Variants in GRIN2A observed in about 807,000 individuals in gnomAD.
GRIN2A encodes glutamate ionotropic receptor NMDA type subunit 2A.
In GRIN2A, 22 loss-of-function variants were observed where a neutral mutation model predicts 113.4. The observed-to-expected ratio is 0.19, with a 90% confidence interval of 0.14 to 0.28. The LOEUF (loss-of-function observed/expected upper bound fraction) is 0.28. Ranked by LOEUF, GRIN2A falls within the 10% of genes least tolerant of loss-of-function variation. The probability of loss-of-function intolerance (pLI) is 1.00; values close to 1 mark genes in which losing one functional copy is unlikely to be tolerated. For missense variants in GRIN2A, 1,502 were observed against 1,887.0 expected, an observed-to-expected ratio of 0.80 and a Z score of 3.78; for synonymous variants, 827 against 738.4, an observed-to-expected ratio of 1.12 and a Z score of -1.94.
rs546224511 is a variant in GRIN2A at position 9,854,769 on chromosome 16, G to T, written c.1123-4808C>A. 1.4e-3 allele frequency among the ~76,000 whole-genome samples: 213 copies of T among 152,214 alleles called. 2 individuals carry two copies. Among genetic ancestry groups the T allele is most frequent in the Non-Finnish European group, 2.2e-3 (153 of 68,014 alleles). ...TTCTGAAGTGTGAGCCAATACCAGG[G>T]TTGCACCGCATTTCCTCCAGCAGTG... On this transcript the variant is annotated intron_variant, in intron 4 of 12. Transcript: ENST00000330684.
At chr16:9,879,254 T>A (rs1042769538) in intron 4 of GRIN2A, among the ~76,000 whole-genome samples, 1 of 152,110 alleles carries the variant, frequency 6.6e-6, no homozygotes, top group Non-Finnish European at 1.5e-5. Flanking sequence ...GGAACTTGAC[T>A]TTAAATATGG....
intron 12 of GRIN2A, among the ~76,000 whole-genome samples, chr16:9,767,246 T>G (rs1900973337): frequency 6.6e-6 from 1 of 152,176 alleles, no homozygotes; most frequent in Non-Finnish European, 1.5e-5. Flanking sequence ...GGAGTGCAAG[T>G]GAATGGAGAA....
chr16:9,823,038 C>T (rs1230718219), intron 9 of GRIN2A, among the ~76,000 whole-genome samples: 1 of 152,198 alleles, frequency 6.6e-6, no homozygotes, highest in Middle Eastern at 3.2e-3. Context: ...TGGCAGGCTC[C>T]ATGAATACTT....
At chr16:9,894,611 A>C (rs1310390802) in intron 3 of GRIN2A, among the ~76,000 whole-genome samples, 2 of 152,188 alleles carry the variant, frequency 1.3e-5, no homozygotes, top group African/African-American at 2.4e-5. Flanking sequence ...TTAGTGGAGA[A>C]CTGGAGTCAA....
At chr16:9,880,090 T>C (rs1257127421) in intron 4 of GRIN2A, among the ~76,000 whole-genome samples, 1 of 152,006 alleles carries the variant, frequency 6.6e-6, no homozygotes, top group Non-Finnish European at 1.5e-5. Flanking sequence ...CTCAGCTGGG[T>C]TTTTGCTCAG....
chr16:9,792,079 TTGTG>T lies in GRIN2A; in HGVS notation c.2356+6194_2356+6197del, dbSNP rs71400495. Among the ~76,000 whole-genome samples the T allele has an allele frequency of 5.3e-3, 599 of 112,310 alleles. 7 individuals are homozygous for T. The highest frequency in any genetic ancestry group is 0.028 in the East Asian group (119 of 4,294). The allele number at this position is 112,310 out of a possible 152,430, so 73.7% of individuals were successfully genotyped here. ...ACAGAGGGAACCTGATGAAGTAAAATTGTGTGTGTGTGTGTGTGTGTGTGTGTGT... is the reference window on the plus strand; with the variant it reads ...ACAGAGGGAACCTGATGAAGTAAAATTGTGTGTGTGTGTGTGTGTGTGTGT... On this transcript the variant is annotated intron_variant, in intron 11 of 12. Coordinates refer to ENST00000330684, the MANE Select transcript of GRIN2A (RefSeq NM_001134407.3).
At chr16:10,037,894 C>T (rs1047982014) in intron 2 of GRIN2A, among the ~76,000 whole-genome samples, 1 of 152,116 alleles carries the variant, frequency 6.6e-6, no homozygotes, top group Non-Finnish European at 1.5e-5. Flanking sequence ...GTTGAGATTA[C>T]AGGCATGAAT....
chr16:10,134,937 A>G lies in GRIN2A; in HGVS notation c.414+45061T>C, dbSNP rs1370555256. On this transcript the variant is annotated intron_variant, in intron 2 of 12. Coordinates refer to ENST00000330684, the MANE Select transcript of GRIN2A (RefSeq NM_001134407.3). ...GGACTTTTTATCTTTCCAACGAACTAGCAAAAAAAAACTGTTCAGCCATAC... is the reference window on the plus strand; with the variant it reads ...GGACTTTTTATCTTTCCAACGAACTGGCAAAAAAAAACTGTTCAGCCATAC... 2.6e-4 allele frequency among the ~76,000 whole-genome samples: 9 copies of G among 34,556 alleles called. No individual in the cohort carries two copies. In the Admixed American group the frequency reaches 2.8e-3, roughly 11 times the overall value. The allele number at this position is 34,556 out of a possible 152,430, so 22.7% of individuals were successfully genotyped here. A position where few individuals can be genotyped will look rare whatever the true frequency, so the allele number is the denominator to read the frequency against.
chr16:9,862,949 T>C (rs970606626), intron 4 of GRIN2A, among the ~76,000 whole-genome samples: 1 of 152,234 alleles, frequency 6.6e-6, no homozygotes. Context: ...ATTGAGGTAC[T>C]GTGATCACCC....
intron 2 of GRIN2A, among the ~76,000 whole-genome samples, chr16:10,094,883 C>CA (rs58041208): frequency 0.085 from 9,991 of 117,136 alleles, 1,370 homozygotes; most frequent in African/African-American, 0.29. Context: ...GAATGTGCAC[C>CA]AAAAAAAAAA....
chr16:10,156,645 G>T (rs114583119), intron 2 of GRIN2A, among the ~76,000 whole-genome samples: 1,705 of 152,270 alleles, frequency 0.011, 38 homozygotes, highest in African/African-American at 0.039. Context: ...GTGCATAGGA[G>T]GCAGAAGGCG....
intron 2 of GRIN2A, among the ~76,000 whole-genome samples, chr16:10,043,951 A>G (rs1342745301): frequency 1.4e-5 from 2 of 145,024 alleles, no homozygotes; most frequent in South Asian, 2.3e-4. Flanking sequence ...ACACATATAT[A>G]TGTATATATA....
Position 9,926,634 on chromosome 16 carries a change from G to A in GRIN2A, c.1007+11325C>T, listed in dbSNP as rs185070828. 4.9e-4 allele frequency among the ~76,000 whole-genome samples: 75 copies of A among 152,218 alleles called. 1 individual carries two copies. The highest frequency in any genetic ancestry group is 6.8e-3 in the Middle Eastern group (2 of 294). The stretch of plus-strand genomic sequence containing the variant: ...TTTGGAAATAAATACACATAATGAT[G>A]ATTATGATAAAAATAATAAAAATGA... On this transcript the variant is annotated intron_variant, in intron 3 of 12. Coordinates refer to ENST00000330684, the MANE Select transcript of GRIN2A (RefSeq NM_001134407.3).
intron 12 of GRIN2A, among the ~76,000 whole-genome samples, chr16:9,768,383 A>G (rs928127239): frequency 6.6e-6 from 1 of 152,228 alleles, no homozygotes; most frequent in African/African-American, 2.4e-5. Context: ...AGTTACTAAT[A>G]TTTAAAAATG....
chr16:10,126,159 A>G (rs1053447436), intron 2 of GRIN2A, among the ~76,000 whole-genome samples: 2 of 80,608 alleles, frequency 2.5e-5, no homozygotes, highest in Non-Finnish European at 5.4e-5. Flanking sequence ...GGATTTCTTT[A>G]TATATATATA....
rs563712145 is a variant in GRIN2A at position 9,754,029 on chromosome 16, C to T, written c.*9120G>A. On this transcript the variant is annotated 3_prime_UTR_variant, in exon 13 of 13. Coordinates refer to ENST00000330684, the MANE Select transcript of GRIN2A (RefSeq NM_001134407.3). The stretch of plus-strand genomic sequence containing the variant: ...TATGCAACAAGTCATATTATTAATA[C>T]GTGAGTGAAAAATGAATCATTTATC... The T allele has an allele frequency of 6.0e-5, 11 of 182,066 alleles. 1 individual carries two copies. Among genetic ancestry groups the T allele is most frequent in the East Asian group, 5.4e-4 (6 of 11,090 alleles). The allele number at this position is 182,066 out of a possible 1,614,324, so 11.3% of individuals were successfully genotyped here.
At chr16:9,854,048 T>G (rs1186255423) in intron 4 of GRIN2A, among the ~76,000 whole-genome samples, 1 of 152,166 alleles carries the variant, frequency 6.6e-6, no homozygotes, top group Non-Finnish European at 1.5e-5. Flanking sequence ...ATATGCGTAA[T>G]GATTGGTTTC....
At chr16:10,170,122 T>C (rs531399639) in intron 2 of GRIN2A, among the ~76,000 whole-genome samples, 1 of 152,244 alleles carries the variant, frequency 6.6e-6, no homozygotes, top group South Asian at 2.1e-4. Context: ...CTAAAGACAT[T>C]AAAATTCAAG....
intron 3 of GRIN2A, among the ~76,000 whole-genome samples, chr16:9,903,359 T>G (rs562646122): frequency 4.8e-4 from 73 of 152,294 alleles, no homozygotes; most frequent in African/African-American, 1.6e-3. Flanking sequence ...TTCACACATT[T>G]GGTCCCACCA....
Sources: gnomAD v4.1 joint callset for allele counts (sites outside exome capture counted in the v4.1 genomes callset) on GRCh38, gnomAD v4.1.1 for gene constraint, MANE v1.5 for transcripts, NCBI Gene and HGNC (gene_info 2026-07-23, HGNC 2026-07-21) for gene names.